The following RERE variants were observed in gnomAD, a reference collection of about 807,000 sequenced individuals.
RERE encodes arginine-glutamic acid dipeptide repeats protein.
RERE carries 40 observed loss-of-function variants against 146.1 expected under a neutral mutation model. The ratio of observed to expected loss-of-function variants is 0.27; its 90% CI spans 0.21 to 0.36. The LOEUF is 0.36. Among genes scored for constraint, RERE ranks in the 10% least tolerant of loss-of-function variants. The pLI is 1.00. For synonymous variants in RERE, 1,003 were observed against 866.0 expected (o/e 1.16, Z -2.78); for missense variants, 1,933 against 2,138.7 (o/e 0.90, Z 1.90).
intron 7 of RERE, among the ~76,000 whole-genome samples, chr1:8,529,483 G>A (rs1376968510): frequency 7.4e-6 from 1 of 134,824 alleles, no homozygotes; most frequent in Non-Finnish European, 1.6e-5. Flanking sequence ...TTTTTTTTTA[G>A]CAGAGACAGG....
At chr1:8,413,938 C>T (rs1409669088) in intron 12 of RERE, among the ~76,000 whole-genome samples, 2 of 151,698 alleles carry the variant, frequency 1.3e-5, no homozygotes, top group East Asian at 4.0e-4. Context: ...GCCTATAATC[C>T]CAGCCATTCG....
At chr1:8,596,919 C>T (rs905424185) in intron 4 of RERE, among the ~76,000 whole-genome samples, 2 of 152,112 alleles carry the variant, frequency 1.3e-5, no homozygotes, top group African/African-American at 4.8e-5. Context: ...AAGTACAAAT[C>T]CCCCTGACCT....
At chr1:8,805,020 T>G (rs1162311208) in intron 1 of RERE, among the ~76,000 whole-genome samples, 1 of 143,590 alleles carries the variant, frequency 7.0e-6, no homozygotes, top group Admixed American at 6.9e-5. Context: ...TTTTTTTTTT[T>G]TTTTTTTTGA....
rs528267629 is a variant in RERE, at chr1:8,447,760, G to A, written c.1203+18165C>T. 4.6e-5 allele frequency among the ~76,000 whole-genome samples: 7 copies of A among 152,310 alleles called. No individual in the cohort carries two copies. The South Asian group carries it at 1.5e-3, about 32-fold the overall frequency. On this transcript the variant is annotated intron_variant, in intron 11 of 22. Transcript: ENST00000400908. ...TGCTGTGTTGACCGTGTATGCAATG[G>A]ACACAGAAGAATGAGTGTGCGGCAC...
chr1:8,440,568 C>T (rs1238630198), intron 11 of RERE, among the ~76,000 whole-genome samples: 37 of 126,700 alleles, frequency 2.9e-4, no homozygotes, highest in Admixed American at 1.2e-3. Context: ...TCCAGCCTGG[C>T]GACAGAGCGA....
intron 12 of RERE, among the ~76,000 whole-genome samples, chr1:8,370,753 T>C (rs1330008234): frequency 1.3e-5 from 2 of 152,194 alleles, no homozygotes; most frequent in Non-Finnish European, 1.5e-5. Flanking sequence ...TGAAGTCAAT[T>C]GAACTTTAAT....
intron 8 of RERE, among the ~76,000 whole-genome samples, chr1:8,499,024 C>G (rs2124251213): frequency 6.6e-6 from 1 of 152,094 alleles, no homozygotes; most frequent in South Asian, 2.1e-4. Context: ...TGTAAGTGAT[C>G]AGATTTAAAT....
chr1:8,423,453 G>A lies in RERE; in HGVS notation c.1204-646C>T, dbSNP rs922801009. The A allele has an allele frequency of 2.5e-6, 2 of 787,760 alleles. No individual in the cohort carries two copies. The highest frequency in any genetic ancestry group is 1.5e-6 in the Non-Finnish European group (1 of 649,650). The allele number at this position is 787,760 out of a possible 1,614,324, so 48.8% of individuals were successfully genotyped here. Reference sequence around the variant, plus strand: ...CCACTCGCCGCCCCCATCCATTTTCGCAGCAGACTCGTCCCTAACCCCAGC... The same window carrying A: ...CCACTCGCCGCCCCCATCCATTTTCACAGCAGACTCGTCCCTAACCCCAGC... On this transcript the variant is annotated intron_variant, in intron 11 of 22. Transcript: ENST00000400908. This position sits in a 1 kb window ranked among gnomAD's most constrained non-coding sequence, Gnocchi z 5.4.
At chr1:8,724,891 C>G (rs2401188) in intron 1 of RERE, among the ~76,000 whole-genome samples, 5 of 144,574 alleles carry the variant, frequency 3.5e-5, no homozygotes, top group African/African-American at 1.0e-4. Flanking sequence ...AAAAAAAAAA[C>G]AACTCAACCT....
At chr1:8,736,106 A>G (rs1366437020) in intron 1 of RERE, among the ~76,000 whole-genome samples, 1 of 152,240 alleles carries the variant, frequency 6.6e-6, no homozygotes, top group Non-Finnish European at 1.5e-5. Flanking sequence ...ATATAGTAAA[A>G]TGCAACTGTA....
chr1:8,642,084 A>G (rs1203983229), intron 2 of RERE, among the ~76,000 whole-genome samples: 1 of 152,226 alleles, frequency 6.6e-6, no homozygotes, highest in Admixed American at 6.5e-5. Flanking sequence ...TATATTTTAA[A>G]TAATTTTATA....
intron 1 of RERE, among the ~76,000 whole-genome samples, chr1:8,768,012 G>C (rs1640880199): frequency 6.6e-6 from 1 of 151,944 alleles, no homozygotes; most frequent in Admixed American, 6.6e-5. Flanking sequence ...ATAAATAAAA[G>C]TGATGGAGAA....
At chr1:8,407,231 T>A (rs1037902517) in intron 12 of RERE, among the ~76,000 whole-genome samples, 1 of 152,138 alleles carries the variant, frequency 6.6e-6, no homozygotes, top group East Asian at 1.9e-4. Context: ...GTGACAGAAT[T>A]GTGACAGGCT....
At chr1:8,799,713 C>A (rs563475635) in intron 1 of RERE, among the ~76,000 whole-genome samples, 1 of 151,542 alleles carries the variant, frequency 6.6e-6, no homozygotes, top group Non-Finnish European at 1.5e-5. Context: ...AAAACAAATT[C>A]GTAAACTTTC....
intron 12 of RERE, among the ~76,000 whole-genome samples, chr1:8,366,682 T>A (rs1386324623): frequency 6.6e-6 from 1 of 152,152 alleles, no homozygotes; most frequent in African/African-American, 2.4e-5. Context: ...GTGGTGCTGA[T>A]GCAAAGGTGA....
intron 1 of RERE, among the ~76,000 whole-genome samples, chr1:8,670,673 G>A (rs991687198): frequency 2.6e-5 from 4 of 152,202 alleles, no homozygotes; most frequent in Non-Finnish European, 5.9e-5. Flanking sequence ...AGAGAGAAAA[G>A]CAAGCACAAA....
chr1:8,647,637 A>ATGTGTGTGTG (rs1484554374), intron 2 of RERE, among the ~76,000 whole-genome samples: 244 of 59,346 alleles, frequency 4.1e-3, no homozygotes, highest in African/African-American at 0.014. Flanking sequence ...TATTTAAAAT[A>ATGTGTGTGTG]TGTATGTGTG....
At chr1:8,750,310 G>T (rs1640506858) in intron 1 of RERE, 1 of 575,046 alleles carries the variant, frequency 1.7e-6, no homozygotes, top group Non-Finnish European at 3.1e-6. Context: ...GGAAGATGAG[G>T]GCTAAGACTT....
At chr1:8,747,368 A>C (rs1640443608) in intron 1 of RERE, among the ~76,000 whole-genome samples, 1 of 152,116 alleles carries the variant, frequency 6.6e-6, no homozygotes, top group African/African-American at 2.4e-5. Flanking sequence ...GGGGGTGGGC[A>C]TGGAAGTGGG....
Sources: allele counts gnomAD v4.1 joint callset (sites outside exome capture counted in the v4.1 genomes callset), GRCh38; gene constraint gnomAD v4.1.1; non-coding constraint Gnocchi (gnomAD v3.1); transcripts MANE v1.5; gene names NCBI Gene and HGNC (gene_info 2026-07-23, HGNC 2026-07-21).